The following CHODL variants were observed in gnomAD, a reference collection of about 807,000 sequenced individuals.
The protein encoded by CHODL is transmembrane protein MT75.
Under a neutral mutation model 34.5 loss-of-function variants are expected in CHODL, and 29 were observed. The observed-to-expected ratio is 0.84, with a 90% CI of 0.63 to 1.15. The LOEUF (loss-of-function observed/expected upper bound fraction) is 1.15, where lower values mean the gene tolerates loss of function less well. Among genes scored for constraint, CHODL ranks in the 50% most tolerant of loss-of-function variants. The probability of loss-of-function intolerance (pLI) is 0.00; values close to 1 mark genes in which losing one functional copy is unlikely to be tolerated. For synonymous variants in CHODL, 125 were observed against 116.1 expected (o/e 1.08, Z -0.49); for missense variants, 332 against 332.5 (o/e 1.00, Z 0.01).
intron 2 of CHODL, among the ~76,000 whole-genome samples, chr21:18,234,324 G>A (rs2074009225): frequency 6.6e-6 from 1 of 152,058 alleles, no homozygotes; most frequent in Admixed American, 6.6e-5. Context: ...CCTTAGGTGT[G>A]CAGGAAATGG....
intron 1 of CHODL, among the ~76,000 whole-genome samples, chr21:17,931,332 C>T (rs887909513): frequency 2.0e-5 from 3 of 152,146 alleles, no homozygotes; most frequent in South Asian, 2.1e-4. Flanking sequence ...AAGAAGTACA[C>T]AAGGCTAAAG....
chr21:18,040,744 A>G (rs1252899617), intron 2 of CHODL, among the ~76,000 whole-genome samples: 3 of 151,916 alleles, frequency 2.0e-5, no homozygotes, highest in African/African-American at 7.2e-5. Context: ...ATTTTAGTGT[A>G]TCTTGAGTGT....
intron 2 of CHODL, among the ~76,000 whole-genome samples, chr21:18,164,121 T>C (rs2073127255): frequency 6.6e-6 from 1 of 152,214 alleles, no homozygotes; most frequent in Non-Finnish European, 1.5e-5. Flanking sequence ...TTTTGCTGAC[T>C]GCAGGCTGAA....
At chr21:18,135,714 C>T (rs1435832069) in intron 2 of CHODL, among the ~76,000 whole-genome samples, 2 of 152,110 alleles carry the variant, frequency 1.3e-5, no homozygotes, top group Non-Finnish European at 2.9e-5. Flanking sequence ...CTGTTTGAAA[C>T]CAAATATGAC....
intron 2 of CHODL, among the ~76,000 whole-genome samples, chr21:18,193,043 G>A (rs2073529488): frequency 6.6e-6 from 1 of 151,914 alleles, no homozygotes; most frequent in Non-Finnish European, 1.5e-5. Context: ...GAGACATTTA[G>A]GTCTACGTAG....
intron 2 of CHODL, among the ~76,000 whole-genome samples, chr21:18,031,399 G>A (rs527752950): frequency 1.3e-5 from 2 of 152,096 alleles, no homozygotes; most frequent in Non-Finnish European, 2.9e-5. Flanking sequence ...TAAAAGAGAT[G>A]TCAGAAATTC....
intron 2 of CHODL, among the ~76,000 whole-genome samples, chr21:18,094,962 AAAAAT>A (rs1227358131): frequency 6.6e-6 from 1 of 151,966 alleles, no homozygotes; most frequent in African/African-American, 2.4e-5. Context: ...CATCTCTACT[AAAAAT>A]AAAAAAATTA....
At chr21:17,984,001 A>G (rs896866391) in intron 1 of CHODL, among the ~76,000 whole-genome samples, 1 of 152,162 alleles carries the variant, frequency 6.6e-6, no homozygotes, top group Non-Finnish European at 1.5e-5. Flanking sequence ...AACTGTGGGT[A>G]CTATGTTGTA....
At chr21:18,205,372 T>A (rs2073700281) in intron 2 of CHODL, among the ~76,000 whole-genome samples, 1 of 152,250 alleles carries the variant, frequency 6.6e-6, no homozygotes, top group South Asian at 2.1e-4. Flanking sequence ...ATTCTGTTGA[T>A]ATGATGTATG....
intron 2 of CHODL, among the ~76,000 whole-genome samples, chr21:18,095,532 T>G (rs958956121): frequency 1.3e-5 from 2 of 152,120 alleles, no homozygotes; most frequent in African/African-American, 2.4e-5. Flanking sequence ...TTCAGTAAAG[T>G]AAGCCTAGGA....
intron 2 of CHODL, among the ~76,000 whole-genome samples, chr21:18,215,202 A>T (rs2073812895): frequency 6.6e-6 from 1 of 151,678 alleles, no homozygotes; most frequent in African/African-American, 2.4e-5. Flanking sequence ...CAAACATGAA[A>T]AAAAAAAAAA....
chr21:18,032,835 G>A (rs1053823613), intron 2 of CHODL, among the ~76,000 whole-genome samples: 1 of 152,024 alleles, frequency 6.6e-6, no homozygotes, highest in African/African-American at 2.4e-5. Context: ...AACCTGGAAA[G>A]CAGTTCTCTT....
At chr21:18,200,635 C>A (rs1195895104) in intron 2 of CHODL, among the ~76,000 whole-genome samples, 1 of 152,134 alleles carries the variant, frequency 6.6e-6, no homozygotes, top group Non-Finnish European at 1.5e-5. Flanking sequence ...AAGATTGAAG[C>A]AGCTCAATTT....
At chr21:18,244,241 C>A (rs116165523), upstream of CHODL, among the ~76,000 whole-genome samples, 197 of 152,324 alleles carry the variant, frequency 1.3e-3, 1 homozygote, top group African/African-American at 4.3e-3. Context: ...TGACGGTTTT[C>A]TCTGGAGTTG....
rs1193930943 is a variant in CHODL, at chr21:18,208,238, T to C, written c.-44-48271T>C. 7.2e-5 allele frequency among the ~76,000 whole-genome samples: 11 copies of C among 152,022 alleles called. No individual in the cohort carries two copies. The East Asian group carries it at 2.1e-3, about 29-fold the overall frequency. ...GCCTGTCTTCAAGCTTACCAATTCT[T>C]TCTTCTGCTTGATCAATTCTATTAA... On this transcript the variant is annotated intron_variant, in intron 2 of 6. Coordinates refer to the CHODL transcript ENST00000400127.
At chr21:18,104,067 T>C (rs1047254062) in intron 2 of CHODL, among the ~76,000 whole-genome samples, 4 of 152,160 alleles carry the variant, frequency 2.6e-5, no homozygotes, top group Non-Finnish European at 5.9e-5. Flanking sequence ...TTATTTTTCA[T>C]GTATAAGGAA....
At chr21:17,968,172 A>G (rs1391113226) in intron 1 of CHODL, among the ~76,000 whole-genome samples, 1 of 152,084 alleles carries the variant, frequency 6.6e-6, no homozygotes, top group Non-Finnish European at 1.5e-5. Context: ...TGGGTGGGAG[A>G]GAATGATAGG....
chr21:18,160,839 T>G (rs1239682806), intron 2 of CHODL, among the ~76,000 whole-genome samples: 1 of 152,176 alleles, frequency 6.6e-6, no homozygotes, highest in Non-Finnish European at 1.5e-5. Context: ...TTCATATGGG[T>G]AGATACTCAG....
intron 2 of CHODL, among the ~76,000 whole-genome samples, chr21:18,214,951 C>CAAAAGGAT (rs1230926105): frequency 6.6e-6 from 1 of 151,552 alleles, no homozygotes; most frequent in Non-Finnish European, 1.5e-5. Flanking sequence ...ACATAGCATC[C>CAAAAGGAT]AAAAGGATAA....
Sources: gnomAD v4.1 joint callset for allele counts (sites outside exome capture counted in the v4.1 genomes callset) on GRCh38, gnomAD v4.1.1 for gene constraint, MANE v1.5 for transcripts, NCBI Gene and HGNC (gene_info 2026-07-23, HGNC 2026-07-21) for gene names.